Variants in SLC35D4 observed in about 807,000 individuals in gnomAD.
SLC35D4 encodes the protein UDP-N-acetylglucosamine transporter SLC35D4.
chr18:23,394,555 T>C, the SLC35D4 span, among the ~76,000 whole-genome samples: 1 of 152,224 alleles, frequency 6.6e-6, no homozygotes, highest in African/African-American at 2.4e-5. Flanking sequence ...AAATTTTTCA[T>C]TTTGATGAAG....
At chr18:23,247,960 G>A in the SLC35D4 span, among the ~76,000 whole-genome samples, 1 of 152,204 alleles carries the variant, frequency 6.6e-6, no homozygotes, top group Non-Finnish European at 1.5e-5. Flanking sequence ...TCCCTGCCAG[G>A]GCCTAGCTTG....
At chr18:23,372,956 G>A in the SLC35D4 span, among the ~76,000 whole-genome samples, 1 of 152,048 alleles carries the variant, frequency 6.6e-6, no homozygotes, top group Non-Finnish European at 1.5e-5. Context: ...CTACTGGGGG[G>A]CGGGGGTGGG....
chr18:23,412,223 G>A, the SLC35D4 span, among the ~76,000 whole-genome samples: 41 of 152,296 alleles, frequency 2.7e-4, no homozygotes, highest in Middle Eastern at 3.4e-3. Context: ...GGAGGCTGAG[G>A]CAGGAGGATC....
chr18:23,434,694 T>A, the SLC35D4 span, among the ~76,000 whole-genome samples: 1 of 152,034 alleles, frequency 6.6e-6, no homozygotes. Context: ...CTGAGGAGGC[T>A]GAGGTGTGTG....
the SLC35D4 span, among the ~76,000 whole-genome samples, chr18:23,346,193 T>C: frequency 6.6e-6 from 1 of 152,200 alleles, no homozygotes; most frequent in Non-Finnish European, 1.5e-5. Flanking sequence ...TGGAGTGCAG[T>C]GGTGACAATA....
chr18:23,434,232 C>T, the SLC35D4 span, among the ~76,000 whole-genome samples: 1 of 152,202 alleles, frequency 6.6e-6, no homozygotes, highest in African/African-American at 2.4e-5. Flanking sequence ...AGCTCACCTC[C>T]TCCTCCCTCT....
chr18:23,312,671 C>T, the SLC35D4 span, among the ~76,000 whole-genome samples: 1 of 152,138 alleles, frequency 6.6e-6, no homozygotes, highest in East Asian at 1.9e-4. Context: ...GTGGTTTCTA[C>T]GTGCGTGATG....
the SLC35D4 span, among the ~76,000 whole-genome samples, chr18:23,243,534 A>G: frequency 1.1e-4 from 15 of 140,460 alleles, no homozygotes; most frequent in African/African-American, 3.7e-4. Context: ...TTCCAACACC[A>G]TACAATTCAC....
At chr18:23,417,355 C>T in the SLC35D4 span, among the ~76,000 whole-genome samples, 1 of 152,090 alleles carries the variant, frequency 6.6e-6, no homozygotes, top group Non-Finnish European at 1.5e-5. Context: ...GAATGAAATT[C>T]TGATTCATGC....
chr18:23,300,811 G>A, the SLC35D4 span, among the ~76,000 whole-genome samples: 2 of 152,222 alleles, frequency 1.3e-5, no homozygotes. Flanking sequence ...GGGCACACAT[G>A]GCCAGAAATA....
At chr18:23,353,099 GTGTGTGTGTGTGTGTGTGTGTGTA>G in the SLC35D4 span, among the ~76,000 whole-genome samples, 1 of 151,518 alleles carries the variant, frequency 6.6e-6, no homozygotes, top group Non-Finnish European at 1.5e-5. Context: ...GTGTGTGTGT[GTGTGTGTGTGTGTGTGTGTGTGTA>G]TGTGAGAGAG....
the SLC35D4 span, among the ~76,000 whole-genome samples, chr18:23,408,176 CA>C: frequency 1.1e-3 from 112 of 106,068 alleles, no homozygotes; most frequent in South Asian, 3.2e-3. Flanking sequence ...CACACACACA[CA>C]CACCCCTAAC....
At chr18:23,267,261 C>T in the SLC35D4 span, among the ~76,000 whole-genome samples, 16 of 152,156 alleles carry the variant, frequency 1.1e-4, no homozygotes, top group African/African-American at 2.9e-4. Context: ...CGGTCTCTTC[C>T]GCTGTCCAGC....
the SLC35D4 span, among the ~76,000 whole-genome samples, chr18:23,288,606 GAAACTAAA>G: frequency 1.3e-5 from 2 of 152,036 alleles, no homozygotes; most frequent in African/African-American, 2.4e-5. Context: ...CCCGAGTCAG[GAAACTAAA>G]ATACCTCTTG....
the SLC35D4 span, among the ~76,000 whole-genome samples, chr18:23,294,881 C>G: frequency 6.6e-6 from 1 of 152,132 alleles, no homozygotes; most frequent in African/African-American, 2.4e-5. Context: ...GGATCTAAAA[C>G]TTCTCAGCCA....
chr18:23,326,033 C>T, the SLC35D4 span, among the ~76,000 whole-genome samples: 2 of 152,226 alleles, frequency 1.3e-5, no homozygotes, highest in Non-Finnish European at 2.9e-5. Flanking sequence ...TTCATCTCTA[C>T]AGCAAAATGT....
chr18:23,339,087 T>C, the SLC35D4 span, among the ~76,000 whole-genome samples: 1 of 152,244 alleles, frequency 6.6e-6, no homozygotes, highest in South Asian at 2.1e-4. Flanking sequence ...AATAGGGTCT[T>C]GCTATGTTGC....
chr18:23,292,891 C>A, the SLC35D4 span, among the ~76,000 whole-genome samples: 1 of 152,178 alleles, frequency 6.6e-6, no homozygotes, highest in Non-Finnish European at 1.5e-5. Flanking sequence ...GCAACCACCA[C>A]CAACACCCCC....
At chr18:23,245,379 C>A in the SLC35D4 span, among the ~76,000 whole-genome samples, 1 of 151,904 alleles carries the variant, frequency 6.6e-6, no homozygotes, top group Non-Finnish European at 1.5e-5. Flanking sequence ...GGCGTGGTGG[C>A]GTGCACCTGT....
Sources: gnomAD v4.1 joint callset for allele counts (sites outside exome capture counted in the v4.1 genomes callset) on GRCh38, gnomAD v4.1.1 for gene constraint, MANE v1.5 for transcripts, NCBI Gene and HGNC (gene_info 2026-07-23, HGNC 2026-07-21) for gene names.